ASIC5: variants seen among roughly 807,000 people sequenced by gnomAD.
ASIC5 encodes bile acid-sensitive ion channel.
ASIC5 carries 52 observed loss-of-function variants against 51.2 expected under a neutral mutation model. The observed-to-expected ratio is 1.02, with a 90% CI of 0.81 to 1.28. The LOEUF is 1.28. ASIC5 is among the 50% of genes most tolerant of loss of function. The pLI is 0.00. For synonymous variants in ASIC5, 231 were observed against 200.7 expected, an observed-to-expected ratio of 1.15 and a Z score of -1.28; for missense variants, 635 against 595.0, an observed-to-expected ratio of 1.07 and a Z score of -0.70.
intron 7 of ASIC5, among the ~76,000 whole-genome samples, chr4:155,837,847 CACAA>C (rs1741022066): frequency 2.0e-5 from 3 of 152,164 alleles, no homozygotes; most frequent in Admixed American, 2.0e-4. Context: ...CTCTCACACA[CACAA>C]ACACACACAC....
chr4:155,837,671 G>A (rs948999288), intron 7 of ASIC5, among the ~76,000 whole-genome samples: 3 of 151,962 alleles, frequency 2.0e-5, no homozygotes, highest in Non-Finnish European at 4.4e-5. Context: ...GACTTCTCTA[G>A]GAGAAGTCAA....
intron 4 of ASIC5, among the ~76,000 whole-genome samples, chr4:155,851,408 GA>G (rs1741379520): frequency 6.6e-6 from 1 of 151,986 alleles, no homozygotes; most frequent in Non-Finnish European, 1.5e-5. Flanking sequence ...ATTGGGAGGT[GA>G]ATGCAGGAAC....
chr4:155,834,760 C>T (rs1046099206), intron 8 of ASIC5, among the ~76,000 whole-genome samples: 1 of 152,208 alleles, frequency 6.6e-6, no homozygotes, highest in Middle Eastern at 3.4e-3. Flanking sequence ...CACTACACCC[C>T]CTATCCTGCC....
rs1289235678 is a variant in ASIC5 at position 155,829,955 on chromosome 4, C to A, written c.1419G>T (p.Trp473Cys). The A allele has an allele frequency of 6.2e-7, 1 of 1,604,248 alleles. No individual in the cohort carries two copies. Among genetic ancestry groups the A allele is most frequent in the Admixed American group, 1.7e-5 (1 of 58,816 alleles). ...IIEYLFTNFY[W>C]ICIFFLLKIS... ...TCTTCAGCAAAAAGAAAATGCATAT[C>A]CAGTAGAAATTGGTGAATAGATATT... Residue 473 changes from tryptophan to cysteine, a missense_variant, in exon 10 of 10, where the codon TGG (tryptophan) becomes TGT (cysteine). By Grantham distance (215) the Trp-to-Cys change is radical (BLOSUM62 -2). Coordinates refer to ENST00000537611, the MANE Select transcript of ASIC5 (RefSeq NM_017419.3).
At chr4:155,835,440 G>T (rs184871101) in intron 8 of ASIC5, among the ~76,000 whole-genome samples, 546 of 149,498 alleles carry the variant, frequency 3.7e-3, no homozygotes, top group South Asian at 8.4e-3. Flanking sequence ...AAAAAAAACA[G>T]CATTCCCTAA....
In ASIC5 at chr4:155,830,042, A is replaced by G; in HGVS notation, c.1332T>C (p.Asp444=). The G allele has an allele frequency of 6.5e-7, 1 of 1,535,510 alleles. No homozygotes were observed. The highest frequency in any genetic ancestry group is 8.7e-7 in the Non-Finnish European group (1 of 1,143,976). The change falls in exon 10 of 10, where the codon GAT becomes GAC. Residue 444 remains aspartate, a synonymous_variant. Coordinates refer to ENST00000537611, the MANE Select transcript of ASIC5 (RefSeq NM_017419.3). ...KAVSVSELLA[D]LGGQLGLFCG... ...AAAATAGACCCAGCTGACCACCAAG[A>G]TCTGCTGTAATAAAACCAATAAAGA...
At chr4:155,857,854 A>G (rs1019667614) in intron 2 of ASIC5, among the ~76,000 whole-genome samples, 1 of 152,176 alleles carries the variant, frequency 6.6e-6, no homozygotes, top group African/African-American at 2.4e-5. Context: ...TTAACTAATG[A>G]AACCTTTGTT....
Position 155,854,244 on chromosome 4 carries a change from G to A in ASIC5, c.418C>T (p.His140Tyr). 1 of 1,613,290 alleles carries A rather than the reference G, an allele frequency of 6.2e-7. No individual in the cohort carries two copies. The highest frequency in any genetic ancestry group is 8.5e-7 in the Non-Finnish European group (1 of 1,179,576). The change falls in exon 3 of 10, where the codon CAT (histidine) becomes TAT (tyrosine). Residue 140 changes from histidine (H) to tyrosine (Y), a missense_variant. Coordinates refer to ENST00000537611, the MANE Select transcript of ASIC5 (RefSeq NM_017419.3). ...FLWHIVSKVL[H>Y]LQEITANSTG... ...GAATTGGCAGTAATTTCTTGAAGAT[G>A]GAGGACTTTGGATACAATGTGCCAT...
intron 4 of ASIC5, among the ~76,000 whole-genome samples, chr4:155,845,395 T>G (rs1741217849): frequency 1.7e-5 from 2 of 117,058 alleles, no homozygotes; most frequent in Admixed American, 2.1e-4. Flanking sequence ...TTGTCTTTTT[T>G]TTGAGCAAAA....
chr4:155,848,690 C>G (rs1741311677), intron 4 of ASIC5, among the ~76,000 whole-genome samples: 3 of 151,922 alleles, frequency 2.0e-5, no homozygotes, highest in African/African-American at 7.3e-5. Flanking sequence ...CTACAAAACT[C>G]TAACAGGTGC....
intron 8 of ASIC5, among the ~76,000 whole-genome samples, chr4:155,834,155 C>T (rs1191866325): frequency 6.6e-6 from 1 of 152,260 alleles, no homozygotes; most frequent in African/African-American, 2.4e-5. Flanking sequence ...TTACCCTTAT[C>T]TTCAAGGGTA....
chr4:155,834,994 C>CGATG (rs998517506), intron 8 of ASIC5, among the ~76,000 whole-genome samples: 4 of 152,216 alleles, frequency 2.6e-5, no homozygotes, highest in African/African-American at 9.6e-5. Flanking sequence ...GGCTCCTGAT[C>CGATG]CATCTCACTG....
chr4:155,835,388 G>A (rs141294750), intron 8 of ASIC5, among the ~76,000 whole-genome samples: 219 of 141,992 alleles, frequency 1.5e-3, no homozygotes, highest in African/African-American at 5.6e-3. Flanking sequence ...GAATTCTCCC[G>A]TTTCAAGAAT....
At chr4:155,855,800 T>A (rs922333082) in intron 2 of ASIC5, among the ~76,000 whole-genome samples, 1 of 151,628 alleles carries the variant, frequency 6.6e-6, no homozygotes, top group African/African-American at 2.4e-5. Flanking sequence ...TTTGACATAT[T>A]TTGAAATGGC....
At chr4:155,835,917 C>T (rs557542359) in intron 8 of ASIC5, among the ~76,000 whole-genome samples, 3 of 152,192 alleles carry the variant, frequency 2.0e-5, no homozygotes, top group East Asian at 1.9e-4. Context: ...TGAAAATGTA[C>T]GTCAACCTTA....
intron 4 of ASIC5, among the ~76,000 whole-genome samples, chr4:155,849,448 GT>G (rs1741328782): frequency 6.6e-6 from 1 of 151,982 alleles, no homozygotes; most frequent in Non-Finnish European, 1.5e-5. Context: ...TTGGTGCACT[GT>G]ATACAAATAA....
In ASIC5 at chr4:155,831,922, AT is replaced by A; in HGVS notation, c.1236-8del. On this transcript the variant is annotated splice_polypyrimidine_tract_variant and splice_region_variant and intron_variant, in intron 8 of 9. Coordinates refer to ENST00000537611, the MANE Select transcript of ASIC5 (RefSeq NM_017419.3). ...AATTTTTACAAGATTCTCCCTAGGG[AT>A]AAAAAAGAGAGTTAATATAGCTTAA... 1 of 1,435,606 alleles carries A rather than the reference AT, an allele frequency of 7.0e-7. No homozygotes were observed. The highest frequency in any genetic ancestry group is 2.3e-5 in the East Asian group (1 of 43,680). The allele number at this position is 1,435,606 out of a possible 1,614,324, so 88.9% of individuals were successfully genotyped here.
rs779776667 is a variant in ASIC5, at chr4:155,836,664, T to G, written c.1235+25A>C. The G allele has an allele frequency of 2.1e-6, 3 of 1,422,242 alleles. No homozygotes were observed. The Admixed American group carries it at 6.6e-5, about 31-fold the overall frequency. 88.1% of individuals were successfully genotyped at this position (1,422,242 alleles called of 1,614,324 possible). On this transcript the variant is annotated intron_variant, in intron 8 of 9. Transcript: ENST00000537611. Reference sequence around the variant, plus strand: ...AAAAAAAATCTATGTTAATTATCAATAATTTAAAAGGCTAGTAAGGTTACC... The same window carrying G: ...AAAAAAAATCTATGTTAATTATCAAGAATTTAAAAGGCTAGTAAGGTTACC...
At chr4:155,838,209 T>C (rs542188360) in intron 7 of ASIC5, among the ~76,000 whole-genome samples, 16 of 152,288 alleles carry the variant, frequency 1.1e-4, no homozygotes, top group African/African-American at 3.8e-4. Flanking sequence ...AACCAATGAC[T>C]TCACGTGATA....
Sources: gnomAD v4.1 joint callset for allele counts (sites outside exome capture counted in the v4.1 genomes callset) on GRCh38, gnomAD v4.1.1 for gene constraint, MANE v1.5 for transcripts, NCBI Gene and HGNC (gene_info 2026-07-23, HGNC 2026-07-21) for gene names.